RABGAP1L: variants seen among roughly 807,000 people sequenced by gnomAD.
RABGAP1L encodes rab GTPase-activating protein 1-like.
In RABGAP1L, 63 loss-of-function variants were observed where a neutral mutation model predicts 137.7. That is an observed-to-expected ratio of 0.46 (90% CI 0.37 to 0.56). The LOEUF (loss-of-function observed/expected upper bound fraction) is 0.56, where lower values mean the gene tolerates loss of function less well. RABGAP1L is among the 20% of genes least tolerant of loss of function. The probability of loss-of-function intolerance (pLI) is 0.00; values close to 1 mark genes in which losing one functional copy is unlikely to be tolerated. For missense variants in RABGAP1L, 1,095 were observed against 1,244.0 expected, an observed-to-expected ratio of 0.88 and a Z score of 1.80; for synonymous variants, 431 against 433.7, an observed-to-expected ratio of 0.99 and a Z score of 0.08.
At chr1:174,228,684 G>GT (rs1265582908) in intron 3 of RABGAP1L, among the ~76,000 whole-genome samples, 6 of 152,172 alleles carry the variant, frequency 3.9e-5, no homozygotes, top group African/African-American at 1.4e-4. Context: ...TAACAAAAAA[G>GT]TCAGTGGTGA....
chr1:174,453,739 TAGAGA>T (rs1349741567), intron 13 of RABGAP1L, among the ~76,000 whole-genome samples: 4 of 152,158 alleles, frequency 2.6e-5, no homozygotes, highest in East Asian at 3.8e-4. Flanking sequence ...ATTGCTAGAG[TAGAGA>T]AAACAGTTCC....
At chr1:174,295,216 CT>C (rs1186475150) in intron 10 of RABGAP1L, among the ~76,000 whole-genome samples, 2,056 of 136,774 alleles carry the variant, frequency 0.015, 32 homozygotes, top group African/African-American at 0.046. Context: ...TGCGCCCGGA[CT>C]TTTTTTTTTT....
intron 13 of RABGAP1L, among the ~76,000 whole-genome samples, chr1:174,611,898 A>G (rs1338048948): frequency 6.6e-6 from 1 of 152,182 alleles, no homozygotes; most frequent in Non-Finnish European, 1.5e-5. Context: ...ATTTTTGCAC[A>G]TTGATTTTGT....
chr1:174,825,539 T>A (rs1242243023), intron 19 of RABGAP1L, among the ~76,000 whole-genome samples: 2 of 152,220 alleles, frequency 1.3e-5, no homozygotes, highest in Non-Finnish European at 2.9e-5. Flanking sequence ...AGGGATGCCC[T>A]AACAAAATAA....
At chr1:174,471,391 T>TA (rs1352320943) in intron 13 of RABGAP1L, among the ~76,000 whole-genome samples, 12 of 152,228 alleles carry the variant, frequency 7.9e-5, no homozygotes, top group Non-Finnish European at 1.8e-4. Flanking sequence ...TGCTTTTGAA[T>TA]ACCCAGTATA....
Position 174,347,643 on chromosome 1 carries a change from C to T in RABGAP1L, c.1466-23336C>T, listed in dbSNP as rs963962379. Among the ~76,000 whole-genome samples the T allele has an allele frequency of 5.9e-5, 9 of 152,070 alleles. 1 individual carries two copies. The highest frequency in any genetic ancestry group is 3.3e-4 in the Admixed American group (5 of 15,280). ...GAGTAGCTGGGACTACAGGCACCCG[C>T]CTCCACACCTGGCTAATTTTTTTGT... is the stretch of plus-strand genomic sequence containing the variant. On this transcript the variant is annotated intron_variant, in intron 11 of 25. Coordinates refer to ENST00000681986, the MANE Select transcript of RABGAP1L (RefSeq NM_001366446.1).
intron 13 of RABGAP1L, among the ~76,000 whole-genome samples, chr1:174,631,375 T>C (rs1343995703): frequency 1.5e-5 from 2 of 137,896 alleles, no homozygotes. Context: ...TTCTGTTGAA[T>C]TGGGGTGGAG....
intron 13 of RABGAP1L, among the ~76,000 whole-genome samples, chr1:174,532,929 C>A (rs1664553530): frequency 6.6e-6 from 1 of 152,124 alleles, no homozygotes; most frequent in Admixed American, 6.6e-5. Flanking sequence ...GTATCCACAA[C>A]TAAGCTTGAG....
chr1:174,463,291 A>C (rs1208300459), intron 13 of RABGAP1L, among the ~76,000 whole-genome samples: 1 of 152,118 alleles, frequency 6.6e-6, no homozygotes, highest in Non-Finnish European at 1.5e-5. Flanking sequence ...GACTGGATTA[A>C]GAAAATGTGG....
intron 19 of RABGAP1L, among the ~76,000 whole-genome samples, chr1:174,929,511 G>A (rs1418866184): frequency 2.0e-5 from 3 of 152,114 alleles, no homozygotes; most frequent in African/African-American, 4.8e-5. Context: ...GGGAGGCCAA[G>A]CTGGGAGGAT....
chr1:174,169,077 C>T (rs1235787925), intron 1 of RABGAP1L, among the ~76,000 whole-genome samples: 1 of 152,084 alleles, frequency 6.6e-6, no homozygotes, highest in East Asian at 1.9e-4. Flanking sequence ...ATAATGTAGG[C>T]CTCTTAAGTT....
At chr1:174,528,773 A>G (rs1172280800) in intron 13 of RABGAP1L, among the ~76,000 whole-genome samples, 2 of 151,654 alleles carry the variant, frequency 1.3e-5, no homozygotes, top group Admixed American at 1.3e-4. Flanking sequence ...CTTGTCTGTT[A>G]TTTCATTAAA....
chr1:174,439,834 A>T (rs1029628685), intron 13 of RABGAP1L, among the ~76,000 whole-genome samples: 4 of 152,232 alleles, frequency 2.6e-5, no homozygotes, highest in Non-Finnish European at 4.4e-5. Flanking sequence ...ACCGCAGTGT[A>T]GGCACTTGAA....
intron 14 of RABGAP1L, among the ~76,000 whole-genome samples, chr1:174,679,587 G>T (rs1677896450): frequency 6.6e-6 from 1 of 152,170 alleles, no homozygotes; most frequent in Admixed American, 6.5e-5. Flanking sequence ...ATATAGTACT[G>T]GAGTCAGTGC....
At position 174,241,582 on chromosome 1, in the gene RABGAP1L, C is replaced by T. The variant is rs1391767080; in HGVS notation, c.642C>T (p.Cys214=). The T allele has an allele frequency of 1.2e-6, 2 of 1,613,710 alleles. No homozygotes were observed. The highest frequency in any genetic ancestry group is 3.3e-5 in the Admixed American group (2 of 59,966). ...RGHDGTTESN[C]FAFTESSHGS... ...ATGACGGAACAACAGAGAGCAATTGCTTTGCATTTACAGAGAGTTCCCATG... is the reference window on the plus strand; with the variant it reads ...ATGACGGAACAACAGAGAGCAATTGTTTTGCATTTACAGAGAGTTCCCATG... The change falls in exon 5 of 26, where the codon TGC becomes TGT. Residue 214 remains cysteine, a synonymous_variant. Transcript: ENST00000681986.
intron 19 of RABGAP1L, among the ~76,000 whole-genome samples, chr1:174,891,822 G>A (rs946012603): frequency 6.6e-6 from 1 of 152,110 alleles, no homozygotes; most frequent in Non-Finnish European, 1.5e-5. Flanking sequence ...GGATTTAAAT[G>A]AGGTTTTCTT....
At chr1:174,465,912 A>G (rs749454401) in intron 13 of RABGAP1L, among the ~76,000 whole-genome samples, 3 of 152,188 alleles carry the variant, frequency 2.0e-5, no homozygotes, top group Non-Finnish European at 2.9e-5. Flanking sequence ...AGCTGTCTGA[A>G]CTACATCAGT....
intron 1 of RABGAP1L, among the ~76,000 whole-genome samples, chr1:174,195,785 TTTTCTTTCTTTC>T (rs201234883): frequency 3.5e-5 from 4 of 112,828 alleles, no homozygotes; most frequent in East Asian, 2.3e-4. Context: ...CCTTTCTTTC[TTTTCTTTCTTTC>T]TTTCTTTCTT....
intron 19 of RABGAP1L, among the ~76,000 whole-genome samples, chr1:174,934,425 TGATGTAA>T (rs1664388964): frequency 6.6e-6 from 1 of 152,080 alleles, no homozygotes; most frequent in Non-Finnish European, 1.5e-5. Context: ...AGCTCACATC[TGATGTAA>T]GAATGTACAG....
Sources: allele counts gnomAD v4.1 joint callset (sites outside exome capture counted in the v4.1 genomes callset), GRCh38; gene constraint gnomAD v4.1.1; transcripts MANE v1.5; gene names NCBI Gene and HGNC (gene_info 2026-07-23, HGNC 2026-07-21).